Variants in DNAH9 observed in about 807,000 individuals in gnomAD.
DNAH9 encodes the protein DNAH9 variant protein.
Under a neutral mutation model 471.6 loss-of-function variants are expected in DNAH9, and 345 were observed. The ratio of observed to expected loss-of-function variants is 0.73; its 90% CI spans 0.67 to 0.80. The LOEUF is 0.80. DNAH9 is among the 30% of genes least tolerant of loss of function. The probability of loss-of-function intolerance (pLI) is 0.00; values close to 1 mark genes in which losing one functional copy is unlikely to be tolerated. For synonymous variants in DNAH9, 2,093 were observed against 2,123.6 expected, an observed-to-expected ratio of 0.99 and a Z score of 0.40; for missense variants, 5,407 against 5,609.2, an observed-to-expected ratio of 0.96 and a Z score of 1.15.
At chr17:11,880,455 C>T (rs1471330748) in intron 54 of DNAH9, among the ~76,000 whole-genome samples, 1 of 152,098 alleles carries the variant, frequency 6.6e-6, no homozygotes, top group Non-Finnish European at 1.5e-5. Context: ...GGCCACAGTG[C>T]ACAATTTTGG....
chr17:11,694,382 C>T lies in DNAH9; in HGVS notation c.4807C>T (p.Arg1603Trp), dbSNP rs754146773. 1.5e-5 allele frequency: 24 copies of T among 1,613,444 alleles called. No homozygotes were observed. Among genetic ancestry groups the T allele is most frequent in the South Asian group, 4.4e-5 (4 of 91,018 alleles). ...YLDTKRLAFP[R>W]FYFLSSSDLL... The stretch of plus-strand genomic sequence containing the variant: ...CGACACCAAGAGGCTTGCCTTCCCG[C>T]GGTTTTACTTTCTCTCCTCCTCCGA... The change falls in exon 22 of 69, where the codon CGG (arginine) becomes TGG (tryptophan). Residue 1603 changes from arginine (R) to tryptophan (W), a missense_variant. Arg to Trp is a moderately radical substitution (Grantham distance 101, BLOSUM62 -3). Transcript: ENST00000262442.
chr17:11,711,302 G>T (rs1184381272), intron 26 of DNAH9, among the ~76,000 whole-genome samples: 1 of 152,122 alleles, frequency 6.6e-6, no homozygotes, highest in Non-Finnish European at 1.5e-5. Context: ...TCTCCAAAGG[G>T]TGATATTCTG....
At chr17:11,778,326 T>C (rs1968525032) in intron 38 of DNAH9, among the ~76,000 whole-genome samples, 1 of 35,860 alleles carries the variant, frequency 2.8e-5, no homozygotes, top group African/African-American at 1.1e-4. Context: ...TGAGACTCCA[T>C]CTCAAAAAAA....
chr17:11,903,421 A>G (rs955906977), intron 60 of DNAH9, among the ~76,000 whole-genome samples: 5 of 152,252 alleles, frequency 3.3e-5, no homozygotes, highest in Admixed American at 6.5e-5. Context: ...TAAATGTTCT[A>G]AAACGGGGTT....
chr17:11,886,951 C>T lies in DNAH9; in HGVS notation c.11098C>T (p.Gln3700Ter), dbSNP rs1374808602. Reference sequence around the variant, plus strand: ...CCTCAGCAAGATCCATCCAATGTACCAGTTTTCTCTCAAGGTGACTTACAC... The same window carrying T: ...CCTCAGCAAGATCCATCCAATGTACTAGTTTTCTCTCAAGGTGACTTACAC... ...NDLSKIHPMY[Q>*]FSLKAFSIVF... The change falls in exon 57 of 69, where the codon CAG becomes TAG. Residue 3700 changes from glutamine to a stop codon, truncating the protein, a stop_gained. Transcript: ENST00000262442. LOFTEE classifies it high-confidence loss of function. 1.9e-6 allele frequency: 3 copies of T among 1,609,686 alleles called. No homozygotes were observed. The highest frequency in any genetic ancestry group is 2.5e-6 in the Non-Finnish European group (3 of 1,178,080).
intron 49 of DNAH9, among the ~76,000 whole-genome samples, chr17:11,843,859 G>GTATATATATATATATATATATA (rs1490566898): frequency 4.3e-4 from 20 of 47,000 alleles, no homozygotes; most frequent in South Asian, 8.8e-4. Flanking sequence ...GTGTGTGTGT[G>GTATATATATATATATATATATA]TGTGTATATA....
chr17:11,898,889 G>T (rs867816512), intron 59 of DNAH9, among the ~76,000 whole-genome samples: 1 of 152,148 alleles, frequency 6.6e-6, no homozygotes, highest in African/African-American at 2.4e-5. Flanking sequence ...TGTTTGGTTC[G>T]CTTTGCCTTG....
At chr17:11,668,484 G>T (rs566040945) in intron 15 of DNAH9, among the ~76,000 whole-genome samples, 1 of 152,184 alleles carries the variant, frequency 6.6e-6, no homozygotes, top group South Asian at 2.1e-4. Context: ...GGCCAGTGTG[G>T]TGACACCCTA....
chr17:11,798,164 T>G (rs1235030430), intron 43 of DNAH9, among the ~76,000 whole-genome samples: 1 of 152,108 alleles, frequency 6.6e-6, no homozygotes, highest in Non-Finnish European at 1.5e-5. Context: ...CTGGACAGGA[T>G]GACTCATGCC....
In DNAH9 at chr17:11,881,238, A is replaced by G. The variant is rs1972709431; in HGVS notation, c.10631A>G (p.Glu3544Gly). ...ATTAAAATTGGAGACAAAGAATGTG[A>G]ATACAATCCCAAGTTCCGGCTCATC... ...RFIKIGDKEC[E>G]YNPKFRLILH... Residue 3544 changes from glutamate (E) to glycine (G), a missense_variant, in exon 55 of 69, where the codon GAA becomes GGA. By Grantham distance (98) the Glu-to-Gly change is moderately conservative (BLOSUM62 -2). This residue lies in a region of DNAH9 where 4,636 missense variants were observed against 4,900.3 expected (regional missense o/e 0.95). Coordinates refer to ENST00000262442, the MANE Select transcript of DNAH9 (RefSeq NM_001372.4). The G allele has an allele frequency of 1.2e-6, 2 of 1,614,206 alleles. No individual in the cohort carries two copies. The highest frequency in any genetic ancestry group is 1.7e-6 in the Non-Finnish European group (2 of 1,180,040).
chr17:11,704,494 A>G, intron 25 of DNAH9, 52 bp downstream of exon 25: 2 of 1,586,154 alleles, frequency 1.3e-6, no homozygotes, highest in Non-Finnish European at 1.7e-6. Context: ...CTACACTGAG[A>G]ACAGCACATA....
chr17:11,627,859 C>T (rs1382573165), intron 6 of DNAH9, among the ~76,000 whole-genome samples: 1 of 152,154 alleles, frequency 6.6e-6, no homozygotes, highest in Non-Finnish European at 1.5e-5. Context: ...CAGCCATTGT[C>T]CCCACTTCCC....
intron 22 of DNAH9, among the ~76,000 whole-genome samples, chr17:11,694,781 T>C (rs200985979): frequency 0.099 from 38 of 384 alleles, 11 homozygotes; most frequent in African/African-American, 0.14. Flanking sequence ...TCCTTCCTTC[T>C]TTCTTTCTTT....
chr17:11,743,989 C>T (rs1168612024), intron 30 of DNAH9, among the ~76,000 whole-genome samples: 2 of 151,974 alleles, frequency 1.3e-5, no homozygotes, highest in Non-Finnish European at 2.9e-5. Flanking sequence ...ACCACCAACC[C>T]CAGCTAATTT....
chr17:11,844,029 A>G (rs1482072794), intron 49 of DNAH9, among the ~76,000 whole-genome samples: 1 of 119,164 alleles, frequency 8.4e-6, no homozygotes, highest in African/African-American at 3.0e-5. Flanking sequence ...TTCCACAATA[A>G]GTATATACTC....
At chr17:11,698,984 C>T (rs952470265) in intron 22 of DNAH9, among the ~76,000 whole-genome samples, 2 of 152,146 alleles carry the variant, frequency 1.3e-5, no homozygotes, top group African/African-American at 2.4e-5. Context: ...GGTGTGGTGG[C>T]TCACACCTGT....
chr17:11,712,898 T>TA (rs113893171), intron 26 of DNAH9, among the ~76,000 whole-genome samples: 67 of 147,716 alleles, frequency 4.5e-4, no homozygotes, highest in East Asian at 7.9e-4. Context: ...ATGAGTTATT[T>TA]AAAAAAAAAA....
At chr17:11,719,593 C>A in intron 27 of DNAH9, 103 bp downstream of exon 27, 1 of 1,114,460 alleles carries the variant, frequency 9.0e-7, no homozygotes, top group Non-Finnish European at 1.3e-6. Context: ...CCAGCTTCCC[C>A]AGGTCTCGGA....
At chr17:11,656,732 T>C (rs1046703277) in intron 14 of DNAH9, among the ~76,000 whole-genome samples, 2 of 152,140 alleles carry the variant, frequency 1.3e-5, no homozygotes, top group African/African-American at 4.8e-5. Context: ...AGTTCACCTG[T>C]CCCTCTTTCC....
Sources: allele counts gnomAD v4.1 joint callset (sites outside exome capture counted in the v4.1 genomes callset), GRCh38; gene constraint gnomAD v4.1.1; regional missense constraint gnomAD v4.1.1; transcripts MANE v1.5; gene names NCBI Gene and HGNC (gene_info 2026-07-23, HGNC 2026-07-21).